The following AHI1 variants were observed in gnomAD, a reference collection of about 807,000 sequenced individuals.
AHI1 encodes Abelson helper integration site 1.
AHI1 carries 123 observed loss-of-function variants against 149.3 expected under a neutral mutation model. The observed-to-expected ratio is 0.82, with a 90% CI of 0.71 to 0.96. The LOEUF is 0.96. Among genes scored for constraint, AHI1 ranks in the 40% least tolerant of loss-of-function variants. The pLI is 0.00. For missense variants in AHI1, 1,439 were observed against 1,422.7 expected, an observed-to-expected ratio of 1.01 and a Z score of -0.18; for synonymous variants, 475 against 459.8, an observed-to-expected ratio of 1.03 and a Z score of -0.42.
At chr6:135,291,454 G>A (rs2128340300) in intron 27 of AHI1, among the ~76,000 whole-genome samples, 1 of 152,286 alleles carries the variant, frequency 6.6e-6, no homozygotes, top group African/African-American at 2.4e-5. Flanking sequence ...GATGAAACCA[G>A]AGCGTGCTCT....
At chr6:135,435,764 T>C (rs1035359837) in intron 15 of AHI1, among the ~76,000 whole-genome samples, 4 of 152,130 alleles carry the variant, frequency 2.6e-5, no homozygotes, top group African/African-American at 9.7e-5. Flanking sequence ...AACACTGAGG[T>C]CAATAGCAAC....
At chr6:135,464,767 A>T (rs1790480536) in intron 7 of AHI1, among the ~76,000 whole-genome samples, 1 of 152,144 alleles carries the variant, frequency 6.6e-6, no homozygotes, top group Admixed American at 6.5e-5. Context: ...TTAGAACTGG[A>T]TCTTCTAAGG....
chr6:135,487,901 A>AT (rs763192197), intron 5 of AHI1, among the ~76,000 whole-genome samples: 1 of 151,940 alleles, frequency 6.6e-6, no homozygotes, highest in East Asian at 1.9e-4. Context: ...TAAATCTTAA[A>AT]TCTTTTTTTT....
intron 21 of AHI1, among the ~76,000 whole-genome samples, chr6:135,411,093 C>T (rs979105496): frequency 1.3e-5 from 2 of 152,146 alleles, no homozygotes; most frequent in Non-Finnish European, 2.9e-5. Context: ...TGGTTCAGAG[C>T]CCTCCCTTAT....
intron 13 of AHI1, among the ~76,000 whole-genome samples, chr6:135,444,544 G>A (rs754793669): frequency 6.6e-6 from 1 of 152,120 alleles, no homozygotes; most frequent in Non-Finnish European, 1.5e-5. Flanking sequence ...CCTACCTTGA[G>A]CATCCTAGTC....
In AHI1 at chr6:135,285,392, T is replaced by TAACA. The variant is rs1781561497; in HGVS notation, c.*249_*252dup. The stretch of plus-strand genomic sequence containing the variant: ...GGTAATGTAATTATGATGCAATTAC[T>TAACA]AACAATATAAGTACCAATACTTTGA... On this transcript the variant is annotated 3_prime_UTR_variant, in exon 29 of 29. Coordinates refer to ENST00000265602, the MANE Select transcript of AHI1 (RefSeq NM_001134831.2). The TAACA allele has an allele frequency of 1.9e-6, 1 of 532,096 alleles. No homozygotes were observed. Among genetic ancestry groups the TAACA allele is most frequent in the South Asian group, 2.7e-5 (1 of 37,202 alleles). The allele number at this position is 532,096 out of a possible 1,614,324, so 33.0% of individuals were successfully genotyped here.
At chr6:135,426,552 T>C (rs1053995953) in intron 20 of AHI1, among the ~76,000 whole-genome samples, 4 of 151,574 alleles carry the variant, frequency 2.6e-5, no homozygotes, top group African/African-American at 9.7e-5. Context: ...AAAATAGAAA[T>C]GCAATTTTGA....
chr6:135,349,823 C>T (rs1262984156), intron 24 of AHI1, among the ~76,000 whole-genome samples: 1 of 152,156 alleles, frequency 6.6e-6, no homozygotes, highest in African/African-American at 2.4e-5. Flanking sequence ...ATTTTTTCAA[C>T]TTTTGTCATT....
intron 24 of AHI1, among the ~76,000 whole-genome samples, chr6:135,337,005 A>C (rs551550280): frequency 6.6e-6 from 1 of 152,334 alleles, no homozygotes; most frequent in South Asian, 2.1e-4. Flanking sequence ...TTTTTAAGTT[A>C]CACAGTTTAG....
At chr6:135,354,811 GA>G (rs1792706937) in intron 24 of AHI1, among the ~76,000 whole-genome samples, 1 of 152,050 alleles carries the variant, frequency 6.6e-6, no homozygotes, top group African/African-American at 2.4e-5. Flanking sequence ...GTGTCTGAAT[GA>G]ATATCATTCA....
chr6:135,461,703 G>A (rs1192084422), intron 8 of AHI1, among the ~76,000 whole-genome samples: 1 of 151,938 alleles, frequency 6.6e-6, no homozygotes, highest in Non-Finnish European at 1.5e-5. Flanking sequence ...CAAATTAACT[G>A]TGGTATATTC....
chr6:135,470,926 A>G (rs114080746), intron 5 of AHI1, among the ~76,000 whole-genome samples: 1 of 152,286 alleles, frequency 6.6e-6, no homozygotes, highest in African/African-American at 2.4e-5. Flanking sequence ...ATAAAATAAC[A>G]TTTGAAAAAA....
At chr6:135,293,226 A>G (rs189724687) in intron 27 of AHI1, among the ~76,000 whole-genome samples, 4 of 152,142 alleles carry the variant, frequency 2.6e-5, no homozygotes, top group African/African-American at 9.6e-5. Flanking sequence ...AAGGGAAACT[A>G]CCTAATAAAG....
chr6:135,387,684 A>T, intron 23 of AHI1: 4 of 808,618 alleles, frequency 4.9e-6, no homozygotes, highest in Non-Finnish European at 6.3e-6. Flanking sequence ...ATCACTTAAC[A>T]AATTTTATTA....
At chr6:135,459,529 G>T (rs1789525328) in intron 8 of AHI1, among the ~76,000 whole-genome samples, 1 of 151,872 alleles carries the variant, frequency 6.6e-6, no homozygotes, top group African/African-American at 2.4e-5. Flanking sequence ...GTACATAAAT[G>T]TACAACAGAG....
intron 26 of AHI1, among the ~76,000 whole-genome samples, chr6:135,308,309 C>G (rs973459827): frequency 2.6e-5 from 4 of 152,126 alleles, no homozygotes; most frequent in Non-Finnish European, 5.9e-5. Context: ...GATCACTGTT[C>G]ACTGCAGCCT....
intron 23 of AHI1, among the ~76,000 whole-genome samples, chr6:135,360,988 T>G (rs897359051): frequency 6.6e-6 from 1 of 152,248 alleles, no homozygotes; most frequent in African/African-American, 2.4e-5. Flanking sequence ...AGTTTAGCAT[T>G]TTGCTATCTT....
At chr6:135,407,498 T>C (rs997135166) in intron 21 of AHI1, among the ~76,000 whole-genome samples, 4 of 152,102 alleles carry the variant, frequency 2.6e-5, no homozygotes, top group Non-Finnish European at 5.9e-5. Flanking sequence ...ATTCAGTGAA[T>C]TCTCTCAACA....
chr6:135,365,036 T>C (rs1773965645), intron 23 of AHI1, among the ~76,000 whole-genome samples: 2 of 152,328 alleles, frequency 1.3e-5, no homozygotes, highest in Middle Eastern at 3.4e-3. Flanking sequence ...TTCTTCTACA[T>C]GTGGCTTGCC....
Sources: allele counts gnomAD v4.1 joint callset (sites outside exome capture counted in the v4.1 genomes callset), GRCh38; gene constraint gnomAD v4.1.1; transcripts MANE v1.5; gene names NCBI Gene and HGNC (gene_info 2026-07-23, HGNC 2026-07-21).